Variants in PLCB4 observed in about 807,000 individuals in gnomAD.
PLCB4 encodes phospholipase C beta 4.
Under a neutral mutation model 178.8 loss-of-function variants are expected in PLCB4, and 77 were observed. The observed-to-expected ratio is 0.43, with a 90% CI of 0.36 to 0.52. The LOEUF (loss-of-function observed/expected upper bound fraction) is 0.52. Ranked by LOEUF, PLCB4 falls within the 20% of genes least tolerant of loss-of-function variation. The pLI is 0.00. For synonymous variants in PLCB4, 496 were observed against 490.8 expected (o/e 1.01, Z -0.14); for missense variants, 1,024 against 1,453.4 (o/e 0.70, Z 4.80).
At chr20:9,336,722 T>G (rs1049117322) in intron 4 of PLCB4, among the ~76,000 whole-genome samples, 1 of 150,116 alleles carries the variant, frequency 6.7e-6, no homozygotes, top group African/African-American at 2.5e-5. Flanking sequence ...GAATGCTAGA[T>G]TTTACAGACA....
intron 19 of PLCB4, among the ~76,000 whole-genome samples, chr20:9,398,237 A>G (rs774393804): frequency 1.3e-5 from 2 of 152,176 alleles, no homozygotes; most frequent in Non-Finnish European, 2.9e-5. Context: ...CTCAGGGCCC[A>G]TCCAAGTTCA....
chr20:9,127,377 T>C (rs1457268424), intron 2 of PLCB4, among the ~76,000 whole-genome samples: 1 of 152,148 alleles, frequency 6.6e-6, no homozygotes, highest in Non-Finnish European at 1.5e-5. Flanking sequence ...AAATAATAGA[T>C]GATTAAAAAT....
chr20:9,410,527 A>G (rs1602474503), intron 24 of PLCB4, among the ~76,000 whole-genome samples: 1 of 152,244 alleles, frequency 6.6e-6, no homozygotes, highest in Non-Finnish European at 1.5e-5. Context: ...TGCAAGACAG[A>G]AGTCAAAAGC....
intron 4 of PLCB4, among the ~76,000 whole-genome samples, chr20:9,321,799 A>G (rs941189927): frequency 6.6e-6 from 1 of 151,462 alleles, no homozygotes; most frequent in Non-Finnish European, 1.5e-5. Context: ...ATGCCCAGCT[A>G]ATTTTTGTAT....
intron 2 of PLCB4, among the ~76,000 whole-genome samples, chr20:9,189,853 C>G (rs1160990159): frequency 6.6e-6 from 1 of 152,058 alleles, no homozygotes; most frequent in Non-Finnish European, 1.5e-5. Flanking sequence ...GAGGATAGAC[C>G]CATCATGGCT....
intron 2 of PLCB4, among the ~76,000 whole-genome samples, chr20:9,193,671 T>G (rs749335550): frequency 1.3e-5 from 2 of 152,122 alleles, no homozygotes; most frequent in Non-Finnish European, 2.9e-5. Context: ...CTTTTTAAAA[T>G]TTTACTATTT....
At chr20:9,082,027 C>T (rs1355699029) in intron 1 of PLCB4, among the ~76,000 whole-genome samples, 1 of 151,048 alleles carries the variant, frequency 6.6e-6, no homozygotes, top group African/African-American at 2.4e-5. Context: ...GGCACATACT[C>T]ATATTGTTTT....
At chr20:9,456,296 AG>A (rs1462871743) in intron 33 of PLCB4, among the ~76,000 whole-genome samples, 1 of 152,228 alleles carries the variant, frequency 6.6e-6, no homozygotes, top group African/African-American at 2.4e-5. Context: ...GACCTGGGAA[AG>A]GGAAGCTTTA....
chr20:9,475,763 C>T (rs1473107281), intron 38 of PLCB4, among the ~76,000 whole-genome samples: 1 of 152,146 alleles, frequency 6.6e-6, no homozygotes, highest in Non-Finnish European at 1.5e-5. Context: ...TTCACAGTTA[C>T]TCTGTATGGT....
At chr20:9,321,524 T>C (rs2147962001) in intron 4 of PLCB4, among the ~76,000 whole-genome samples, 1 of 152,316 alleles carries the variant, frequency 6.6e-6, no homozygotes, top group Middle Eastern at 3.4e-3. Flanking sequence ...AGTCTAGGTG[T>C]CTTTAGTCTA....
At chr20:9,108,898 CAAGAG>C (rs1442500122) in intron 2 of PLCB4, among the ~76,000 whole-genome samples, 14 of 71,120 alleles carry the variant, frequency 2.0e-4, no homozygotes, top group Non-Finnish European at 2.3e-4. Context: ...AGAGAGAAAA[CAAGAG>C]AGAGAGAGAG....
At chr20:9,210,275 A>G (rs1487797976) in intron 2 of PLCB4, among the ~76,000 whole-genome samples, 1 of 152,172 alleles carries the variant, frequency 6.6e-6, no homozygotes, top group African/African-American at 2.4e-5. Context: ...AGATAGAGGT[A>G]AGTTTTCTGG....
chr20:9,363,984 C>T (rs1317000922), intron 8 of PLCB4, among the ~76,000 whole-genome samples: 1 of 152,248 alleles, frequency 6.6e-6, no homozygotes. Context: ...AATTCTTACA[C>T]TTGTGCCTCA....
chr20:9,461,626 G>A (rs1255484887), intron 35 of PLCB4, among the ~76,000 whole-genome samples: 2 of 152,254 alleles, frequency 1.3e-5, no homozygotes, highest in Admixed American at 6.5e-5. Context: ...GGCTTGGCAG[G>A]TTCCACGCCC....
At chr20:9,127,679 TATCTATCC>T (rs1486397201) in intron 2 of PLCB4, among the ~76,000 whole-genome samples, 25 of 57,934 alleles carry the variant, frequency 4.3e-4, no homozygotes, top group African/African-American at 7.8e-4. Context: ...TCTATCTATC[TATCTATCC>T]ATCCATCCAT....
Position 9,372,413 on chromosome 20 carries a change from A to G in PLCB4, c.686+10A>G. The G allele has an allele frequency of 1.5e-6, 2 of 1,359,532 alleles. No individual in the cohort carries two copies. The highest frequency in any genetic ancestry group is 1.2e-5 in the South Asian group (1 of 82,808). 84.2% of individuals were successfully genotyped at this position (1,359,532 alleles called of 1,614,324 possible). ...ATCTTTTCAAAAAAATGTAAGTTCC[A>G]CTTATGAGGAAGTGCCATATAAATA... On this transcript the variant is annotated intron_variant, in intron 11 of 39. Transcript: ENST00000378473.
At chr20:9,351,573 T>G (rs1325473741) in intron 7 of PLCB4, among the ~76,000 whole-genome samples, 1 of 152,204 alleles carries the variant, frequency 6.6e-6, no homozygotes, top group Non-Finnish European at 1.5e-5. Flanking sequence ...TCTTCACTCC[T>G]CACTGTTTTC....
intron 3 of PLCB4, among the ~76,000 whole-genome samples, chr20:9,245,801 T>A (rs1054614752): frequency 2.6e-5 from 4 of 151,716 alleles, no homozygotes; most frequent in African/African-American, 9.7e-5. Context: ...GTCCTGCTAA[T>A]TTTTGTATTT....
intron 1 of PLCB4, among the ~76,000 whole-genome samples, chr20:9,081,170 A>G (rs1257662527): frequency 3.0e-4 from 45 of 152,334 alleles, no homozygotes; most frequent in Non-Finnish European, 1.6e-4. Flanking sequence ...TGGAGGAGAC[A>G]AATAGACACT....
Sources: gnomAD v4.1 joint callset for allele counts (sites outside exome capture counted in the v4.1 genomes callset) on GRCh38, gnomAD v4.1.1 for gene constraint, MANE v1.5 for transcripts, NCBI Gene and HGNC (gene_info 2026-07-23, HGNC 2026-07-21) for gene names.